The following CD226 variants were observed in gnomAD, a reference collection of about 807,000 sequenced individuals.
CD226 encodes the protein CD226 molecule.
CD226 carries 24 observed loss-of-function variants against 34.9 expected under a neutral mutation model. The observed-to-expected ratio is 0.69, with a 90% CI of 0.50 to 0.97. The LOEUF is 0.97. Among genes scored for constraint, CD226 ranks in the 50% least tolerant of loss-of-function variants. The pLI is 0.00. For missense variants in CD226, 397 were observed against 412.7 expected (o/e 0.96, Z 0.33); for synonymous variants, 148 against 147.4 (o/e 1.00, Z -0.03).
intron 3 of CD226, among the ~76,000 whole-genome samples, chr18:69,885,811 T>C (rs1984523079): frequency 6.6e-6 from 1 of 151,888 alleles, no homozygotes; most frequent in Admixed American, 6.6e-5. Context: ...GACTCCATGA[T>C]GTGCACAAGC....
At chr18:69,906,749 G>T (rs752405974) in intron 2 of CD226, among the ~76,000 whole-genome samples, 3 of 152,184 alleles carry the variant, frequency 2.0e-5, no homozygotes, top group Non-Finnish European at 2.9e-5. Context: ...ACTGAAAGAT[G>T]AAATCTTTGC....
At chr18:69,905,088 G>A (rs948316644) in intron 2 of CD226, among the ~76,000 whole-genome samples, 1 of 152,122 alleles carries the variant, frequency 6.6e-6, no homozygotes, top group African/African-American at 2.4e-5. Context: ...CCACAAATAA[G>A]TCACCCAGCT....
rs1361889644 is a variant in CD226 at position 69,855,485 on chromosome 18, G to A, written c.*8829C>T. The A allele has an allele frequency of 6.6e-6, 1 of 152,136 alleles. No individual in the cohort carries two copies. The highest frequency in any genetic ancestry group is 2.4e-5 in the African/African-American group (1 of 41,446). The allele number at this position is 152,136 out of a possible 1,614,324, so 9.4% of individuals were successfully genotyped here. ...AAATTCAAAGAGTGGGAAAAACCCA[G>A]AATATTCAAGACTATGGAATAATTG... is the stretch of plus-strand genomic sequence containing the variant. On this transcript the variant is annotated 3_prime_UTR_variant, in exon 6 of 6. Transcript: ENST00000582621.
At position 69,853,377 on chromosome 18, in the gene CD226, T is replaced by G. The variant is rs900167916; in HGVS notation, c.*10937A>C. ...AAAAGGCCTCAGGACGTATAGACCT[T>G]CTGCCCTCTGTTGTGTTCATCTTCC... On this transcript the variant is annotated 3_prime_UTR_variant, in exon 6 of 6. Coordinates refer to ENST00000582621, the MANE Select transcript of CD226 (RefSeq NM_001303618.2). 6.6e-6 allele frequency: 1 copy of G among 152,226 alleles called. No individual in the cohort carries two copies. The highest frequency in any genetic ancestry group is 2.4e-5 in the African/African-American group (1 of 41,470). The allele number at this position is 152,226 out of a possible 1,614,324, so 9.4% of individuals were successfully genotyped here. A position where few individuals can be genotyped will look rare whatever the true frequency, so the allele number is the denominator to read the frequency against.
intron 2 of CD226, among the ~76,000 whole-genome samples, chr18:69,940,978 C>G (rs980256451): frequency 6.6e-6 from 1 of 152,184 alleles, no homozygotes; most frequent in African/African-American, 2.4e-5. Flanking sequence ...ATATGGTGCC[C>G]TATGTCCCAG....
At chr18:69,959,612 G>C (rs1447760026), upstream of CD226, among the ~76,000 whole-genome samples, 1 of 149,196 alleles carries the variant, frequency 6.7e-6, no homozygotes, top group Admixed American at 6.9e-5. Context: ...TCTCTTTATA[G>C]GAAAATTCAG....
At position 69,864,458 on chromosome 18, in the gene CD226, GA is replaced by G. The variant is rs777904671; in HGVS notation, c.886-20del. On this transcript the variant is annotated intron_variant, in intron 5 of 5. Transcript: ENST00000582621. ...TGGGTGCCTAGAAAGACAAACAGCA[GA>G]GAGTGTCAATAATTCACTGCATTTC... is the stretch of plus-strand genomic sequence containing the variant. 4 of 1,610,674 alleles carry G rather than the reference GA, an allele frequency of 2.5e-6. No individual in the cohort carries two copies. Among genetic ancestry groups the G allele is most frequent in the Non-Finnish European group, 3.4e-6 (4 of 1,178,352 alleles).
chr18:69,875,551 G>A (rs1489656029), intron 3 of CD226, among the ~76,000 whole-genome samples: 4 of 152,204 alleles, frequency 2.6e-5, no homozygotes, highest in Admixed American at 2.0e-4. Context: ...ACCAACACTT[G>A]CTATCTCTTG....
chr18:69,933,029 T>C (rs896834940), intron 2 of CD226, among the ~76,000 whole-genome samples: 3 of 152,096 alleles, frequency 2.0e-5, no homozygotes, highest in Admixed American at 1.3e-4. Context: ...TTTCCTGGTG[T>C]GTAATTTGGA....
chr18:69,871,767 A>AAATAAT, intron 4 of CD226, among the ~76,000 whole-genome samples: 1 of 152,264 alleles, frequency 6.6e-6, no homozygotes, highest in Non-Finnish European at 1.5e-5. Flanking sequence ...AGTAGAAAGT[A>AAATAAT]TGAATAAAAA....
intron 3 of CD226, among the ~76,000 whole-genome samples, chr18:69,893,212 C>T (rs1985009285): frequency 1.3e-5 from 2 of 152,174 alleles, no homozygotes; most frequent in African/African-American, 2.4e-5. Flanking sequence ...AATCTGTCAA[C>T]TGAATGTCAA....
At chr18:69,864,553 T>A in intron 5 of CD226, 114 bp from the exon 6 acceptor site, 1 of 1,007,864 alleles carries the variant, frequency 9.9e-7, no homozygotes, top group Non-Finnish European at 1.5e-6. Flanking sequence ...AAGTTTCCAT[T>A]ATAATTAATT....
chr18:69,872,183 C>T (rs1043072451), intron 4 of CD226, among the ~76,000 whole-genome samples: 1 of 151,824 alleles, frequency 6.6e-6, no homozygotes, highest in Non-Finnish European at 1.5e-5. Context: ...ATATGCCAGA[C>T]ATGAAAAATA....
chr18:69,932,550 T>A (rs935452715), intron 2 of CD226, among the ~76,000 whole-genome samples: 1 of 152,186 alleles, frequency 6.6e-6, no homozygotes, highest in Non-Finnish European at 1.5e-5. Flanking sequence ...CACTACCCAC[T>A]TAAATTAGCT....
intron 3 of CD226, among the ~76,000 whole-genome samples, chr18:69,876,561 AG>A (rs1288299967): frequency 6.6e-6 from 1 of 152,226 alleles, no homozygotes; most frequent in Non-Finnish European, 1.5e-5. Flanking sequence ...ACAAAGTGGT[AG>A]GTAAAAACAA....
chr18:69,879,718 G>A (rs747331944), intron 3 of CD226, among the ~76,000 whole-genome samples: 2 of 152,252 alleles, frequency 1.3e-5, no homozygotes, highest in South Asian at 2.1e-4. Context: ...GTAAAGACAA[G>A]CATAGGAAAT....
chr18:69,900,909 T>C (rs1788245), intron 2 of CD226, among the ~76,000 whole-genome samples: 21,641 of 152,116 alleles, frequency 0.14, 2,548 homozygotes, highest in African/African-American at 0.33. Context: ...TTTAAAATAG[T>C]ATTAGTCATG....
At chr18:69,936,589 T>C (rs1335445107) in intron 2 of CD226, among the ~76,000 whole-genome samples, 1 of 152,204 alleles carries the variant, frequency 6.6e-6, no homozygotes, top group African/African-American at 2.4e-5. Flanking sequence ...TTTCTTTAAA[T>C]GAAAAACTGC....
upstream of CD226, among the ~76,000 whole-genome samples, chr18:69,951,842 C>T (rs1369085847): frequency 6.6e-6 from 1 of 152,042 alleles, no homozygotes; most frequent in Admixed American, 6.5e-5. Flanking sequence ...TAAATTAGTA[C>T]AACGTCTATG....
Sources: gnomAD v4.1 joint callset for allele counts (sites outside exome capture counted in the v4.1 genomes callset) on GRCh38, gnomAD v4.1.1 for gene constraint, MANE v1.5 for transcripts, NCBI Gene and HGNC (gene_info 2026-07-23, HGNC 2026-07-21) for gene names.